CNTN4: variants seen among roughly 807,000 people sequenced by gnomAD.
CNTN4 encodes contactin-4.
A neutral mutation model predicts 122.5 loss-of-function variants in CNTN4; 77 were observed. The ratio of observed to expected loss-of-function variants is 0.63; its 90% CI spans 0.52 to 0.76. The LOEUF (loss-of-function observed/expected upper bound fraction) is 0.76, where lower values mean the gene tolerates loss of function less well. CNTN4 is among the 30% of genes least tolerant of loss of function. The pLI is 0.00. For missense variants in CNTN4, 1,256 were observed against 1,259.1 expected (o/e 1.00, Z 0.04); for synonymous variants, 512 against 447.0 (o/e 1.15, Z -1.83).
chr3:2,792,276 G>C (rs1312738131), intron 6 of CNTN4, among the ~76,000 whole-genome samples: 2 of 152,042 alleles, frequency 1.3e-5, no homozygotes, highest in Non-Finnish European at 2.9e-5. Flanking sequence ...ACAATAATAA[G>C]TGTTATACTG....
chr3:2,815,200 A>G (rs549362655), intron 6 of CNTN4, among the ~76,000 whole-genome samples: 1 of 152,290 alleles, frequency 6.6e-6, no homozygotes, highest in South Asian at 2.1e-4. Flanking sequence ...GACCAAGAGA[A>G]CCCAAAAGCA....
At chr3:2,852,066 GT>G (rs2093558586) in intron 7 of CNTN4, among the ~76,000 whole-genome samples, 1 of 152,070 alleles carries the variant, frequency 6.6e-6, no homozygotes, top group South Asian at 2.1e-4. Flanking sequence ...TGCACTCCCA[GT>G]TTCTTCCCAG....
In CNTN4 at chr3:2,098,967, C is replaced by T. The variant is rs1328523129; in HGVS notation, c.-238C>T. 1 of 152,282 alleles carries T rather than the reference C, an allele frequency of 6.6e-6. No homozygotes were observed. The highest frequency in any genetic ancestry group is 1.5e-5 in the Non-Finnish European group (1 of 68,100). The allele number at this position is 152,282 out of a possible 1,614,324, so 9.4% of individuals were successfully genotyped here. ...CCCGAGGCTCTCGCCAGCCCGGCGC[C>T]CCGGTGCTGAGGTAAGTGAGGCGGC... On this transcript the variant is annotated 5_prime_UTR_variant, in exon 1 of 25. Coordinates refer to ENST00000418658, the MANE Select transcript of CNTN4 (RefSeq NM_175607.3).
chr3:2,843,654 C>T (rs145269367), intron 7 of CNTN4, among the ~76,000 whole-genome samples: 21 of 152,158 alleles, frequency 1.4e-4, no homozygotes, highest in African/African-American at 5.1e-4. Flanking sequence ...TGGCACCTAC[C>T]CCCCATCTCT....
chr3:2,710,498 T>C (rs2087076118), intron 4 of CNTN4, among the ~76,000 whole-genome samples: 1 of 152,174 alleles, frequency 6.6e-6, no homozygotes, highest in Admixed American at 6.5e-5. Context: ...TGGTCTTTTG[T>C]TTTCCTGCAT....
chr3:2,668,021 A>T (rs2084274376), intron 4 of CNTN4, among the ~76,000 whole-genome samples: 2 of 152,140 alleles, frequency 1.3e-5, no homozygotes. Flanking sequence ...GAAGTCAGGT[A>T]ACATGATGCC....
At position 2,930,720 on chromosome 3, in the gene CNTN4, T is replaced by A. The variant is rs75223940; in HGVS notation, c.1358+4941T>A. Among the ~76,000 whole-genome samples, 21 of 152,304 alleles carry A rather than the reference T, an allele frequency of 1.4e-4. No homozygotes were observed. The East Asian group carries it at 4.1e-3, about 29-fold the overall frequency. On this transcript the variant is annotated intron_variant, in intron 13 of 24. Coordinates refer to ENST00000418658, the MANE Select transcript of CNTN4 (RefSeq NM_175607.3). ...TGGGTTTAGAACAGCAGCATGACTC[T>A]GTTTTGTGAATCTAGCCAATTCCAG...
chr3:2,348,327 A>G (rs2044481716), intron 3 of CNTN4, among the ~76,000 whole-genome samples: 1 of 152,152 alleles, frequency 6.6e-6, no homozygotes, highest in Non-Finnish European at 1.5e-5. Flanking sequence ...TGTTCAGGCC[A>G]TTTGCATCAT....
chr3:2,130,538 G>A (rs1435368499), intron 2 of CNTN4, among the ~76,000 whole-genome samples: 1 of 152,138 alleles, frequency 6.6e-6, no homozygotes, highest in Non-Finnish European at 1.5e-5. Context: ...ACTAGAAGTA[G>A]GATATTTGCA....
chr3:2,620,628 G>A (rs1167461731), intron 4 of CNTN4, among the ~76,000 whole-genome samples: 4 of 152,096 alleles, frequency 2.6e-5, no homozygotes, highest in Non-Finnish European at 5.9e-5. Flanking sequence ...AATAAATATT[G>A]CCACAGGTTG....
chr3:2,734,949 T>A (rs989738696), intron 4 of CNTN4, among the ~76,000 whole-genome samples: 1 of 152,170 alleles, frequency 6.6e-6, no homozygotes, highest in South Asian at 2.1e-4. Context: ...CATCAGGCAG[T>A]GCCTAAGTAA....
chr3:2,374,327 A>G (rs3913589), intron 3 of CNTN4, among the ~76,000 whole-genome samples: 2 of 152,234 alleles, frequency 1.3e-5, no homozygotes, highest in Non-Finnish European at 2.9e-5. Flanking sequence ...ATCATTCTAT[A>G]GGAAGTTCCC....
chr3:2,622,615 T>A (rs1046712162), intron 4 of CNTN4, among the ~76,000 whole-genome samples: 3 of 152,142 alleles, frequency 2.0e-5, no homozygotes, highest in African/African-American at 7.2e-5. Flanking sequence ...GTCTGCAAAA[T>A]CTGGAATATG....
At chr3:2,940,042 G>A (rs976137228) in intron 13 of CNTN4, among the ~76,000 whole-genome samples, 4 of 152,160 alleles carry the variant, frequency 2.6e-5, no homozygotes, top group Non-Finnish European at 4.4e-5. Flanking sequence ...AGTTGGCCAC[G>A]CCAGTTTAAA....
At chr3:2,853,144 T>C (rs1414462308) in intron 7 of CNTN4, among the ~76,000 whole-genome samples, 1 of 151,986 alleles carries the variant, frequency 6.6e-6, no homozygotes, top group Non-Finnish European at 1.5e-5. Context: ...TTATATTATA[T>C]TAAGAAATTT....
At chr3:3,008,268 T>C (rs1192499332) in intron 14 of CNTN4, among the ~76,000 whole-genome samples, 2 of 152,040 alleles carry the variant, frequency 1.3e-5, no homozygotes, top group Non-Finnish European at 2.9e-5. Flanking sequence ...TGTTTGGAGA[T>C]AGAGCAAGTC....
chr3:2,291,658 T>C (rs2042139808), intron 2 of CNTN4, among the ~76,000 whole-genome samples: 1 of 152,092 alleles, frequency 6.6e-6, no homozygotes, highest in African/African-American at 2.4e-5. Flanking sequence ...TGGGGATCCC[T>C]AAAATTCTTC....
chr3:2,660,292 C>T (rs576170842), intron 4 of CNTN4, among the ~76,000 whole-genome samples: 8 of 152,222 alleles, frequency 5.3e-5, no homozygotes, highest in Non-Finnish European at 7.4e-5. Flanking sequence ...TCTGCAAGGA[C>T]TTATTTAAGA....
At chr3:2,803,010 GAC>G (rs2092384585) in intron 6 of CNTN4, among the ~76,000 whole-genome samples, 1 of 152,114 alleles carries the variant, frequency 6.6e-6, no homozygotes, top group Non-Finnish European at 1.5e-5. Flanking sequence ...GAGTGAAAAA[GAC>G]AGAGATATAG....
Sources: gnomAD v4.1 joint callset for allele counts (sites outside exome capture counted in the v4.1 genomes callset) on GRCh38, gnomAD v4.1.1 for gene constraint, MANE v1.5 for transcripts, NCBI Gene and HGNC (gene_info 2026-07-23, HGNC 2026-07-21) for gene names.